Variants in WHR1 observed in about 807,000 individuals in gnomAD.
WHR1 encodes the protein winged helix repair factor 1.
the WHR1 span, chr6:31,972,293 C>T: frequency 6.2e-7 from 1 of 1,613,148 alleles, no homozygotes; most frequent in Non-Finnish European, 8.5e-7. The surrounding 1 kb of genome is among the most constrained non-coding windows in gnomAD (Gnocchi z 6.3). Context: ...TCGTCATCAC[C>T]TGGTCTAGGA....
chr6:31,972,506 A>G, the WHR1 span: 1 of 1,607,762 alleles, frequency 6.2e-7, no homozygotes, highest in Non-Finnish European at 8.5e-7. The surrounding 1 kb of genome is among the most constrained non-coding windows in gnomAD (Gnocchi z 6.3). Context: ...CTTCGGGGTG[A>G]GCCAGGTAAC....
At chr6:31,980,349 T>A in the WHR1 span, 3 of 1,065,966 alleles carry the variant, frequency 2.8e-6, no homozygotes, top group South Asian at 4.8e-5. Flanking sequence ...TCTTGCATGG[T>A]TGCCCGTGTT....
At chr6:31,972,828 C>T in the WHR1 span, 21 of 1,590,318 alleles carry the variant, frequency 1.3e-5, no homozygotes, top group Admixed American at 3.5e-5. The surrounding 1 kb of genome is among the most constrained non-coding windows in gnomAD (Gnocchi z 6.3). Context: ...CTCAGTCACT[C>T]CGCCAGCCGT....
At chr6:31,972,395 C>T in the WHR1 span, 2 of 1,613,076 alleles carry the variant, frequency 1.2e-6, no homozygotes, top group Non-Finnish European at 1.7e-6. The surrounding 1 kb of genome is among the most constrained non-coding windows in gnomAD (Gnocchi z 6.3). Flanking sequence ...TTCCCCGGTA[C>T]CATAAAATCC....
chr6:31,971,875 C>T, the WHR1 span: 1 of 1,455,146 alleles, frequency 6.9e-7, no homozygotes, highest in Non-Finnish European at 9.2e-7. This position sits in a 1 kb window ranked among gnomAD's most constrained non-coding sequence, Gnocchi z 4.5. Flanking sequence ...CCAGGTCCTC[C>T]AAATGCAGTG....
the WHR1 span, among the ~76,000 whole-genome samples, chr6:31,973,892 T>G: frequency 6.6e-6 from 1 of 152,196 alleles, no homozygotes; most frequent in South Asian, 2.1e-4. Context: ...CCTCAAGTGC[T>G]TTTTAAGTGT....
the WHR1 span, chr6:31,979,032 G>C: frequency 3.7e-5 from 59 of 1,603,438 alleles, no homozygotes; most frequent in East Asian, 2.2e-5. Flanking sequence ...GTGCTGGGGG[G>C]AGGGCACAGG....
chr6:31,979,080 A>G, the WHR1 span: 2 of 1,464,216 alleles, frequency 1.4e-6, no homozygotes, highest in African/African-American at 1.4e-5. Flanking sequence ...AGAAATAAAA[A>G]CAAAAGAAAG....
chr6:31,978,842 G>A, the WHR1 span: 29 of 1,534,888 alleles, frequency 1.9e-5, no homozygotes, highest in Non-Finnish European at 2.2e-5. Context: ...AGAGCGCCCA[G>A]AGTATAGCAG....
chr6:31,975,550 G>A, the WHR1 span, among the ~76,000 whole-genome samples: 2 of 151,346 alleles, frequency 1.3e-5, no homozygotes, highest in South Asian at 2.1e-4. Flanking sequence ...GGCCAGGCTG[G>A]TCTCAAACTC....
At chr6:31,974,739 C>T in the WHR1 span, among the ~76,000 whole-genome samples, 1 of 152,154 alleles carries the variant, frequency 6.6e-6, no homozygotes, top group African/African-American at 2.4e-5. Flanking sequence ...GGCTGGGTAA[C>T]AGAGGGAGAC....
At chr6:31,979,602 C>T in the WHR1 span, 8 of 1,606,296 alleles carry the variant, frequency 5.0e-6, no homozygotes, top group East Asian at 4.5e-5. Context: ...GCTTCCCTGC[C>T]TCCCTCCAGT....
At chr6:31,975,265 G>T in the WHR1 span, among the ~76,000 whole-genome samples, 2 of 149,094 alleles carry the variant, frequency 1.3e-5, no homozygotes, top group Admixed American at 1.3e-4. Context: ...GCAGTGGTGT[G>T]ATCTCAACTC....
At chr6:31,978,462 T>C in the WHR1 span, among the ~76,000 whole-genome samples, 1 of 152,246 alleles carries the variant, frequency 6.6e-6, no homozygotes, top group Non-Finnish European at 1.5e-5. Flanking sequence ...ATAACATTTT[T>C]ATCCAGGATT....
At chr6:31,979,405 TGCTTGTAGGTCCTCAAG>T in the WHR1 span, 1 of 1,612,858 alleles carries the variant, frequency 6.2e-7, no homozygotes, top group East Asian at 2.2e-5. Flanking sequence ...CTCTCATCTC[TGCTTGTAGGTCCTCAAG>T]GCCTGTGATG....
the WHR1 span, chr6:31,980,331 C>T: frequency 1.1e-6 from 1 of 897,748 alleles, no homozygotes; most frequent in Non-Finnish European, 1.7e-6. Context: ...ATTTTGTTAT[C>T]CAGTCTCTCT....
At chr6:31,972,312 C>G in the WHR1 span, 1 of 1,613,118 alleles carries the variant, frequency 6.2e-7, no homozygotes, top group Non-Finnish European at 8.5e-7. The surrounding 1 kb of genome is among the most constrained non-coding windows in gnomAD (Gnocchi z 6.3). Context: ...GAGGGACGCC[C>G]GGGGAGACCG....
chr6:31,979,648 C>G, the WHR1 span: 2 of 1,511,598 alleles, frequency 1.3e-6, no homozygotes, highest in Admixed American at 4.2e-5. Flanking sequence ...TTTGGTGAAC[C>G]TGCCAGAAAA....
chr6:31,980,472 C>A, the WHR1 span: 1 of 1,613,076 alleles, frequency 6.2e-7, no homozygotes. Context: ...ATGCTGGAGT[C>A]CTCACCGTCC....
Sources: allele counts gnomAD v4.1 joint callset (sites outside exome capture counted in the v4.1 genomes callset), GRCh38; gene constraint gnomAD v4.1.1; non-coding constraint Gnocchi (gnomAD v3.1); transcripts MANE v1.5; gene names NCBI Gene and HGNC (gene_info 2026-07-23, HGNC 2026-07-21).